ADAM18: variants seen among roughly 807,000 people sequenced by gnomAD.
ADAM18 encodes ADAM metallopeptidase domain 18.
Under a neutral mutation model 94.4 loss-of-function variants are expected in ADAM18, and 117 were observed. That is an observed-to-expected ratio of 1.24 (90% confidence interval 1.07 to 1.45). ADAM18 has a LOEUF of 1.45. Among genes scored for constraint, ADAM18 ranks in the 40% most tolerant of loss-of-function variants. ADAM18 has a pLI of 0.00. For synonymous variants in ADAM18, 327 were observed against 291.6 expected (o/e 1.12, Z -1.24); for missense variants, 936 against 880.0 (o/e 1.06, Z -0.81).
At chr8:39,701,902 G>T (rs1269473029) in intron 17 of ADAM18, among the ~76,000 whole-genome samples, 3 of 152,128 alleles carry the variant, frequency 2.0e-5, no homozygotes, top group Admixed American at 6.5e-5. Context: ...TGGGCATTTA[G>T]GTTGATTCCA....
At chr8:39,649,164 C>T (rs1341386343) in intron 12 of ADAM18, among the ~76,000 whole-genome samples, 1 of 151,956 alleles carries the variant, frequency 6.6e-6, no homozygotes, top group Admixed American at 6.6e-5. Flanking sequence ...CATGATTTAT[C>T]CCCCAACAGT....
At chr8:39,584,803 C>T (rs1028310399) in intron 1 of ADAM18, 126 bp downstream of exon 1, 1 of 1,170,880 alleles carries the variant, frequency 8.5e-7, no homozygotes, top group Non-Finnish European at 1.2e-6. Context: ...GCTGGTGCTT[C>T]TGGTGTGTCA....
At chr8:39,670,773 G>A (rs148376202) in intron 14 of ADAM18, among the ~76,000 whole-genome samples, 8 of 152,168 alleles carry the variant, frequency 5.3e-5, no homozygotes, top group South Asian at 2.1e-4. Context: ...GGAAAATACC[G>A]CCATCTGTCA....
intron 3 of ADAM18, among the ~76,000 whole-genome samples, chr8:39,607,640 A>C (rs933297122): frequency 6.6e-6 from 1 of 151,696 alleles, no homozygotes; most frequent in Admixed American, 6.6e-5. Context: ...TACTTTCTTC[A>C]TTTGGCTTCC....
chr8:39,714,321 G>A (rs1461140482), intron 18 of ADAM18, among the ~76,000 whole-genome samples: 1 of 152,066 alleles, frequency 6.6e-6, no homozygotes, highest in African/African-American at 2.4e-5. Flanking sequence ...GATAGCATTA[G>A]GAGAAATACC....
intron 7 of ADAM18, among the ~76,000 whole-genome samples, chr8:39,636,004 T>G (rs866437311): frequency 6.7e-6 from 1 of 149,618 alleles, no homozygotes; most frequent in South Asian, 2.1e-4. Context: ...CCATTAAGTT[T>G]TTTTGTTTTT....
At chr8:39,709,350 G>A (rs1822330533) in intron 18 of ADAM18, among the ~76,000 whole-genome samples, 1 of 152,172 alleles carries the variant, frequency 6.6e-6, no homozygotes, top group African/African-American at 2.4e-5. Context: ...CTGACGTCCA[G>A]CTGCTTCTCC....
intron 5 of ADAM18, 139 bp from the exon 6 acceptor site, chr8:39,610,390 A>T (rs952471124): frequency 7.9e-5 from 91 of 1,158,652 alleles, no homozygotes; most frequent in Non-Finnish European, 1.0e-4. Flanking sequence ...CCCCCAAAAA[A>T]TAATGGAAAA....
At chr8:39,586,171 T>G (rs997042146) in intron 2 of ADAM18, among the ~76,000 whole-genome samples, 1 of 152,192 alleles carries the variant, frequency 6.6e-6, no homozygotes, top group Non-Finnish European at 1.5e-5. Context: ...GTTCTACTAG[T>G]GAACAATTAT....
chr8:39,688,959 C>T (rs1430010369), intron 16 of ADAM18, among the ~76,000 whole-genome samples: 1 of 152,030 alleles, frequency 6.6e-6, no homozygotes, highest in East Asian at 1.9e-4. Flanking sequence ...TTTCTTAATG[C>T]TCGATGATGT....
At chr8:39,587,205 CTTTTG>C (rs1431727341) in intron 2 of ADAM18, among the ~76,000 whole-genome samples, 1 of 152,144 alleles carries the variant, frequency 6.6e-6, no homozygotes, top group African/African-American at 2.4e-5. Flanking sequence ...TCCTTGCATA[CTTTTG>C]TTTTGTGTTT....
intron 17 of ADAM18, among the ~76,000 whole-genome samples, chr8:39,706,026 G>A (rs1822232316): frequency 6.6e-6 from 1 of 151,938 alleles, no homozygotes; most frequent in Non-Finnish European, 1.5e-5. Flanking sequence ...GTTGGAAATG[G>A]GACTTAAATA....
chr8:39,711,906 C>T (rs1822414152), intron 18 of ADAM18, among the ~76,000 whole-genome samples: 1 of 150,602 alleles, frequency 6.6e-6, no homozygotes, highest in Non-Finnish European at 1.5e-5. Flanking sequence ...TATACAAATC[C>T]AAGAAGCTTA....
At chr8:39,659,767 A>G (rs1820785584) in intron 12 of ADAM18, among the ~76,000 whole-genome samples, 2 of 152,168 alleles carry the variant, frequency 1.3e-5, no homozygotes, top group Admixed American at 1.3e-4. Flanking sequence ...AAAAAAGAAT[A>G]CACATAATTT....
chr8:39,657,436 C>T (rs981194218), intron 12 of ADAM18, among the ~76,000 whole-genome samples: 16 of 152,052 alleles, frequency 1.1e-4, no homozygotes, highest in South Asian at 2.1e-4. Context: ...CTCAGCCTCC[C>T]GAGTAGCCAG....
At chr8:39,701,955 G>T (rs1020294109) in intron 17 of ADAM18, among the ~76,000 whole-genome samples, 1 of 152,130 alleles carries the variant, frequency 6.6e-6, no homozygotes, top group African/African-American at 2.4e-5. Context: ...ACATATGCCT[G>T]CATGTGTCTT....
At chr8:39,599,551 T>A (rs1316589195) in intron 2 of ADAM18, among the ~76,000 whole-genome samples, 1 of 152,144 alleles carries the variant, frequency 6.6e-6, no homozygotes, top group Non-Finnish European at 1.5e-5. Flanking sequence ...CTCAATGGGT[T>A]TATATATGTA....
chr8:39,693,112 A>G (rs539159966), intron 17 of ADAM18, among the ~76,000 whole-genome samples: 11 of 151,608 alleles, frequency 7.3e-5, no homozygotes, highest in African/African-American at 2.6e-4. Flanking sequence ...AGCTTTTTTT[A>G]TTTCTTCTGA....
At chr8:39,687,078 C>G (rs1370714833) in intron 16 of ADAM18, among the ~76,000 whole-genome samples, 1 of 152,088 alleles carries the variant, frequency 6.6e-6, no homozygotes, top group Non-Finnish European at 1.5e-5. Context: ...TTAAGTGAAA[C>G]ATGTTCAGTT....
Sources: gnomAD v4.1 joint callset for allele counts (sites outside exome capture counted in the v4.1 genomes callset) on GRCh38, gnomAD v4.1.1 for gene constraint, MANE v1.5 for transcripts, NCBI Gene and HGNC (gene_info 2026-07-23, HGNC 2026-07-21) for gene names.